UPF2: variants seen among roughly 807,000 people sequenced by gnomAD.
UPF2 encodes the protein UPF2 regulator of nonsense mediated mRNA decay, also known as regulator of nonsense transcripts 2.
Under a neutral mutation model 141.4 loss-of-function variants are expected in UPF2, and 17 were observed. The ratio of observed to expected loss-of-function variants is 0.12; its 90% confidence interval spans 0.08 to 0.18. The LOEUF (loss-of-function observed/expected upper bound fraction) is 0.18, where lower values mean the gene tolerates loss of function less well. Among genes scored for constraint, UPF2 ranks in the 10% least tolerant of loss-of-function variants. The pLI is 1.00. For synonymous variants in UPF2, 540 were observed against 498.0 expected, an observed-to-expected ratio of 1.08 and a Z score of -1.12; for missense variants, 1,152 against 1,515.9, an observed-to-expected ratio of 0.76 and a Z score of 3.99.
intron 3 of UPF2, among the ~76,000 whole-genome samples, chr10:12,018,743 C>A (rs865827228): frequency 9.9e-5 from 15 of 151,820 alleles, no homozygotes; most frequent in Non-Finnish European, 2.1e-4. Context: ...CAGAGTGAGA[C>A]CCTGCCTCAA....
In UPF2 at chr10:11,956,225, T is replaced by C; in HGVS notation, c.2574+95A>G. On this transcript the variant is annotated intron_variant, in intron 13 of 21. Transcript: ENST00000357604. The surrounding 1 kb of genome is among the most constrained non-coding windows in gnomAD (Gnocchi z 4.2). Reference sequence around the variant, plus strand: ...ATCAGCTTTTTCTAACTAATAAATTTACAGATTCCTATAACTTGAGTCTCA... The same window carrying C: ...ATCAGCTTTTTCTAACTAATAAATTCACAGATTCCTATAACTTGAGTCTCA... 8.9e-7 allele frequency: 1 copy of C among 1,128,246 alleles called. No individual in the cohort carries two copies. Among genetic ancestry groups the C allele is most frequent in the Non-Finnish European group, 1.3e-6 (1 of 772,900 alleles). The allele number at this position is 1,128,246 out of a possible 1,614,324, so 69.9% of individuals were successfully genotyped here.
At position 12,032,304 on chromosome 10, in the gene UPF2, A is replaced by C. The variant is rs575603632; in HGVS notation, c.365+2755T>G. On this transcript the variant is annotated intron_variant, in intron 2 of 21. Transcript: ENST00000357604. ...AGTGAAACAACTCTGTCTCAAAAAA[A>C]AAAAAAAGAAAGAAAAGAAAAGAAA... Among the ~76,000 whole-genome samples the C allele has an allele frequency of 2.3e-4, 34 of 150,238 alleles. No homozygotes were observed. In the South Asian group the frequency reaches 7.2e-3, roughly 32 times the overall value.
rs1246956531 is a variant in UPF2, at chr10:12,035,449, AG to A, written c.-18-9del. 5.9e-6 allele frequency: 9 copies of A among 1,515,786 alleles called. No individual in the cohort carries two copies. Among genetic ancestry groups the A allele is most frequent in the Non-Finnish European group, 7.9e-6 (9 of 1,141,680 alleles). The allele number at this position is 1,515,786 out of a possible 1,614,324, so 93.9% of individuals were successfully genotyped here. A position where few individuals can be genotyped will look rare whatever the true frequency, so the allele number is the denominator to read the frequency against. On this transcript the variant is annotated splice_polypyrimidine_tract_variant and intron_variant, in intron 1 of 21. Coordinates refer to ENST00000357604, the MANE Select transcript of UPF2 (RefSeq NM_015542.4). The stretch of plus-strand genomic sequence containing the variant: ...TATGTGACCCAGGACAATCTGTAAG[AG>A]GGAAAGAATGTCAGTACCATAGATG...
rs1834478257 is a variant in UPF2, at chr10:12,029,532, A to C, written c.366-8T>G. The C allele has an allele frequency of 6.4e-7, 1 of 1,565,248 alleles. No individual in the cohort carries two copies. Among genetic ancestry groups the C allele is most frequent in the Middle Eastern group, 1.7e-4 (1 of 5,772 alleles). ...ATGGATTCTTCTTTTTCTCTATATA[A>C]AAACAAACAAATAAATAAAATACTC... On this transcript the variant is annotated splice_polypyrimidine_tract_variant and splice_region_variant and intron_variant, in intron 2 of 21. Coordinates refer to ENST00000357604, the MANE Select transcript of UPF2 (RefSeq NM_015542.4).
chr10:11,969,063 T>C (rs1287897821), intron 9 of UPF2, among the ~76,000 whole-genome samples: 1 of 151,704 alleles, frequency 6.6e-6, no homozygotes, highest in South Asian at 2.1e-4. Context: ...GGTTTCACAG[T>C]GTTGCCCAGG....
At chr10:12,010,712 T>C (rs2131280206) in intron 4 of UPF2, among the ~76,000 whole-genome samples, 1 of 152,100 alleles carries the variant, frequency 6.6e-6, no homozygotes, top group Non-Finnish European at 1.5e-5. Flanking sequence ...ATGATAACTA[T>C]ACACCCACAG....
Position 11,929,906 on chromosome 10 carries a change from C to T in UPF2, c.3768G>A (p.Lys1256=), listed in dbSNP as rs1270145554. Reference sequence around the variant, plus strand: ...AGATTAGATCTGCATTAGGTGCTCCCTTCGGATGTTGGTAGCGAGGCCGCC... The same window carrying T: ...AGATTAGATCTGCATTAGGTGCTCCTTTCGGATGTTGGTAGCGAGGCCGCC... ...RERRPRYQHP[K]GAPNADLIFK... The change falls in exon 21 of 22, where the codon AAG becomes AAA. Residue 1256 remains lysine, a synonymous_variant. Transcript: ENST00000357604. The T allele has an allele frequency of 1.2e-6, 2 of 1,614,112 alleles. No individual in the cohort carries two copies. The highest frequency in any genetic ancestry group is 1.7e-6 in the Non-Finnish European group (2 of 1,180,058).
chr10:12,030,370 C>T (rs1452113674), intron 2 of UPF2, among the ~76,000 whole-genome samples: 9 of 151,804 alleles, frequency 5.9e-5, no homozygotes, highest in Admixed American at 5.9e-4. Flanking sequence ...CCCGTCTCTA[C>T]TAAAAATACA....
intron 21 of UPF2, among the ~76,000 whole-genome samples, chr10:11,927,574 C>T (rs1832728756): frequency 6.6e-6 from 1 of 152,130 alleles, no homozygotes. Flanking sequence ...GCCTGTTAAC[C>T]TAGCTAGTGT....
At chr10:11,958,215 G>C (rs1185041910) in intron 12 of UPF2, among the ~76,000 whole-genome samples, 1 of 152,136 alleles carries the variant, frequency 6.6e-6, no homozygotes, top group Non-Finnish European at 1.5e-5. Context: ...TAAAAAGTTA[G>C]CAATTACTAT....
At chr10:12,018,318 C>T (rs1312909848) in intron 3 of UPF2, among the ~76,000 whole-genome samples, 1 of 152,080 alleles carries the variant, frequency 6.6e-6, no homozygotes, top group African/African-American at 2.4e-5. Context: ...TGCTATGGCT[C>T]ACACCTGTAA....
chr10:11,925,587 G>A (rs1832702043), intron 21 of UPF2, among the ~76,000 whole-genome samples: 1 of 152,244 alleles, frequency 6.6e-6, no homozygotes, highest in Non-Finnish European at 1.5e-5. Context: ...GTAATCTCAT[G>A]GGGAATAGAG....
At chr10:11,966,881 G>C (rs1833330029) in intron 10 of UPF2, among the ~76,000 whole-genome samples, 1 of 152,180 alleles carries the variant, frequency 6.6e-6, no homozygotes, top group African/African-American at 2.4e-5. Context: ...TTTCAGTTTA[G>C]GTAGAAATGT....
rs145390179 is a variant in UPF2 at position 12,017,531 on chromosome 10, T to C, written c.1146-3347A>G. Reference sequence around the variant, plus strand: ...CCCTGAGTCTGCTTTCCAGTTCCTCTCCAGTACTGCTGGAACCAACTAAAA... The same window carrying C: ...CCCTGAGTCTGCTTTCCAGTTCCTCCCCAGTACTGCTGGAACCAACTAAAA... On this transcript the variant is annotated intron_variant, in intron 3 of 21. Transcript: ENST00000357604. Among the ~76,000 whole-genome samples, 8 of 152,316 alleles carry C rather than the reference T, an allele frequency of 5.3e-5. No homozygotes were observed. The East Asian group carries it at 1.5e-3, about 29-fold the overall frequency.
At chr10:11,941,962 A>G (rs1398974200) in intron 18 of UPF2, among the ~76,000 whole-genome samples, 1 of 152,266 alleles carries the variant, frequency 6.6e-6, no homozygotes, top group African/African-American at 2.4e-5. Context: ...ACATTTTTCC[A>G]TTAACATAGA....
At position 11,923,562 on chromosome 10, in the gene UPF2, T is replaced by C. The variant is rs181450224; in HGVS notation, c.3810-2255A>G. Among the ~76,000 whole-genome samples, 53 of 151,600 alleles carry C rather than the reference T, an allele frequency of 3.5e-4. No individual in the cohort carries two copies. In the East Asian group the frequency reaches 0.01, roughly 29 times the overall value. On this transcript the variant is annotated intron_variant, in intron 21 of 21. Transcript: ENST00000357604. ...CAGGTGTGGTGGCAGGTGCCTGTAA[T>C]CCCAGCTACTCGGGAGGCTGAGGCA...
At position 11,952,226 on chromosome 10, in the gene UPF2, A is replaced by C; in HGVS notation, c.2874T>G (p.Ser958Arg). 6.2e-7 allele frequency: 1 copy of C among 1,608,874 alleles called. No homozygotes were observed. Among genetic ancestry groups the C allele is most frequent in the South Asian group, 1.1e-5 (1 of 89,166 alleles). ...YFQRYVWWKK[S>R]LEVWTKDHPF... The stretch of plus-strand genomic sequence containing the variant: ...GATGGTCTTTTGTCCAAACCTCCAA[A>C]CTTTTCTTCCACCAAACATAACGCT... Residue 958 changes from serine to arginine, a missense_variant, in exon 15 of 22, where the codon AGT (serine) becomes AGG (arginine). By Grantham distance (110) the Ser-to-Arg change is moderately radical. This residue lies in a region of UPF2 where 739 missense variants were observed against 1,032.2 expected (regional missense o/e 0.72). Transcript: ENST00000357604.
rs541233909 is a variant in UPF2 at position 11,956,146 on chromosome 10, C to CAAAA, written c.2574+170_2574+173dup. Among the ~76,000 whole-genome samples, 1 of 85,606 alleles carries CAAAA rather than the reference C, an allele frequency of 1.2e-5. No homozygotes were observed. The highest frequency in any genetic ancestry group is 2.3e-5 in the Non-Finnish European group (1 of 43,388). The allele number at this position is 85,606 out of a possible 152,430, so 56.2% of individuals were successfully genotyped here. On this transcript the variant is annotated intron_variant, in intron 13 of 21. Transcript: ENST00000357604. This position sits in a 1 kb window ranked among gnomAD's most constrained non-coding sequence, Gnocchi z 4.2. ...TGGGTGACACAGCGAGACTCAGTCT[C>CAAAA]AAAAAAAAAAAAAAAAGAGGAAAGT...
chr10:11,923,645 A>G (rs1832674706), intron 21 of UPF2, among the ~76,000 whole-genome samples: 3 of 139,300 alleles, frequency 2.2e-5, no homozygotes. Flanking sequence ...ACGCCACTGC[A>G]CTCCGATATA....
Sources: gnomAD v4.1 joint callset for allele counts (sites outside exome capture counted in the v4.1 genomes callset) on GRCh38, gnomAD v4.1.1 for gene constraint, gnomAD v4.1.1 regional missense constraint, Gnocchi (gnomAD v3.1) non-coding constraint, MANE v1.5 for transcripts, NCBI Gene and HGNC (gene_info 2026-07-23, HGNC 2026-07-21) for gene names.